The following FAM133B variants were observed in gnomAD, a reference collection of about 807,000 sequenced individuals.
FAM133B encodes family with sequence similarity 133 member B.
In FAM133B, 25 loss-of-function variants were observed where a neutral mutation model predicts 46.4. That is an observed-to-expected ratio of 0.54 (90% CI 0.39 to 0.75). The LOEUF (loss-of-function observed/expected upper bound fraction) is 0.75, where lower values mean the gene tolerates loss of function less well. Ranked by LOEUF, FAM133B falls within the 30% of genes least tolerant of loss-of-function variation. The pLI is 0.00. For synonymous variants in FAM133B, 75 were observed against 86.0 expected, an observed-to-expected ratio of 0.87 and a Z score of 0.71; for missense variants, 205 against 277.6, an observed-to-expected ratio of 0.74 and a Z score of 1.86.
intron 1 of FAM133B, among the ~76,000 whole-genome samples, chr7:92,583,776 C>T (rs1015250373): frequency 5.3e-5 from 8 of 151,738 alleles, no homozygotes; most frequent in African/African-American, 1.5e-4. Flanking sequence ...CAGCCAGGCG[C>T]GGTGGCTCAC....
At chr7:92,567,829 T>G (rs1794405243) in intron 9 of FAM133B, among the ~76,000 whole-genome samples, 1 of 151,582 alleles carries the variant, frequency 6.6e-6, no homozygotes, top group Non-Finnish European at 1.5e-5. Context: ...AGTGGTGTGA[T>G]CTCGGCTCAC....
chr7:92,577,484 C>A, intron 6 of FAM133B, 171 bp downstream of exon 6: 1 of 480,546 alleles, frequency 2.1e-6, no homozygotes, highest in East Asian at 3.4e-5. Flanking sequence ...ATATTATATA[C>A]CAATATTTAA....
rs567078304 is a variant in FAM133B, at chr7:92,581,029, T to C, written c.122+477A>G. On this transcript the variant is annotated intron_variant, in intron 2 of 10. Transcript: ENST00000445716. ...GTTGTATGTTGTCTCAGGAGTAAGGTATTAATAACGAGGAAGACATACTAA... is the reference window on the plus strand; with the variant it reads ...GTTGTATGTTGTCTCAGGAGTAAGGCATTAATAACGAGGAAGACATACTAA... Among the ~76,000 whole-genome samples the C allele has an allele frequency of 4.6e-5, 7 of 152,340 alleles. No homozygotes were observed. In the South Asian group the frequency reaches 1.4e-3, roughly 32 times the overall value.
chr7:92,573,192 G>T (rs1794589005), intron 8 of FAM133B, among the ~76,000 whole-genome samples: 1 of 148,488 alleles, frequency 6.7e-6, no homozygotes, highest in South Asian at 2.1e-4. Context: ...TTAGAGATGG[G>T]GGTCTTACTC....
At chr7:92,573,885 T>G (rs899289734) in intron 8 of FAM133B, among the ~76,000 whole-genome samples, 11 of 152,036 alleles carry the variant, frequency 7.2e-5, no homozygotes, top group African/African-American at 2.2e-4. Context: ...ATTTTATTTT[T>G]TTTTAAATTT....
chr7:92,580,131 T>C (rs1794824318), intron 2 of FAM133B, among the ~76,000 whole-genome samples: 1 of 151,852 alleles, frequency 6.6e-6, no homozygotes, highest in Admixed American at 6.6e-5. Context: ...TAGAATGTAG[T>C]GGCATGATCA....
intron 10 of FAM133B, chr7:92,565,766 A>G (rs1794329251): frequency 2.0e-6 from 1 of 501,406 alleles, no homozygotes; most frequent in Non-Finnish European, 3.6e-6. Flanking sequence ...CCCAGCCCTG[A>G]GCTTATATTT....
Position 92,562,257 on chromosome 7 carries a change from A to G in FAM133B, c.*25T>C. 6 of 1,512,206 alleles carry G rather than the reference A, an allele frequency of 4.0e-6. No individual in the cohort carries two copies. Among genetic ancestry groups the G allele is most frequent in the Non-Finnish European group, 5.3e-6 (6 of 1,140,284 alleles). The allele number at this position is 1,512,206 out of a possible 1,614,324, so 93.7% of individuals were successfully genotyped here. ...TCCTCAGACATTGCACTTTCTTTAT[A>G]AGGGAATCCTGATTTTTCTTAATGT... On this transcript the variant is annotated 3_prime_UTR_variant, in exon 11 of 11. Coordinates refer to ENST00000445716, the MANE Select transcript of FAM133B (RefSeq NM_152789.4).
Position 92,565,480 on chromosome 7 carries a change from T to C in FAM133B, c.657+534A>G, listed in dbSNP as rs575134419. On this transcript the variant is annotated intron_variant, in intron 10 of 10. Transcript: ENST00000445716. ...GAGCTTATATATATATATATGTTTTTTGAGACGGAGTCGCACTCTGTCGCC... is the reference window on the plus strand; with the variant it reads ...GAGCTTATATATATATATATGTTTTCTGAGACGGAGTCGCACTCTGTCGCC... 10 of 151,774 alleles carry C rather than the reference T, an allele frequency of 6.6e-5. No individual in the cohort carries two copies. In the East Asian group the frequency reaches 1.4e-3, roughly 21 times the overall value. The allele number at this position is 151,774 out of a possible 1,614,324, so 9.4% of individuals were successfully genotyped here. A position where few individuals can be genotyped will look rare whatever the true frequency, so the allele number is the denominator to read the frequency against.
chr7:92,570,371 A>T (rs942242149), intron 8 of FAM133B, among the ~76,000 whole-genome samples: 3 of 152,082 alleles, frequency 2.0e-5, no homozygotes, highest in East Asian at 1.9e-4. Context: ...ATATGTGTTT[A>T]AAAAAATCTT....
chr7:92,590,172 C>T (rs892853925), intron 1 of FAM133B, 96 bp downstream of exon 1: 3 of 1,595,516 alleles, frequency 1.9e-6, no homozygotes, highest in East Asian at 2.2e-5. Context: ...TGAGGGCTGC[C>T]GCTTGCCCTC....
chr7:92,563,172 A>G (rs1794211986), intron 10 of FAM133B, among the ~76,000 whole-genome samples: 1 of 152,242 alleles, frequency 6.6e-6, no homozygotes, highest in Non-Finnish European at 1.5e-5. Flanking sequence ...GAAGAGACCT[A>G]TAAGGATGGT....
intron 9 of FAM133B, among the ~76,000 whole-genome samples, chr7:92,567,832 C>A (rs775291296): frequency 2.0e-5 from 3 of 150,744 alleles, no homozygotes; most frequent in Admixed American, 2.0e-4. Flanking sequence ...GGTGTGATCT[C>A]GGCTCACTGC....
intron 8 of FAM133B, among the ~76,000 whole-genome samples, chr7:92,570,902 A>G (rs1285843913): frequency 6.6e-6 from 1 of 152,172 alleles, no homozygotes; most frequent in Non-Finnish European, 1.5e-5. Flanking sequence ...AGATTTTTGG[A>G]AACATCTTTC....
At chr7:92,565,153 T>C (rs927671050) in intron 10 of FAM133B, among the ~76,000 whole-genome samples, 8 of 148,854 alleles carry the variant, frequency 5.4e-5, no homozygotes, top group South Asian at 2.1e-4. Flanking sequence ...ATATTTCTTT[T>C]TTTTTTTTTT....
At chr7:92,577,531 G>A in intron 6 of FAM133B, 124 bp downstream of exon 6, 1 of 727,816 alleles carries the variant, frequency 1.4e-6, no homozygotes, top group South Asian at 2.9e-5. Flanking sequence ...AGTCCTCTAA[G>A]TTATGGATAA....
chr7:92,581,794 TTGTGTGTGTGTGTGTGTG>T (rs10578440), intron 1 of FAM133B, 191 bp from the exon 2 acceptor site: 54 of 316,294 alleles, frequency 1.7e-4, no homozygotes, highest in African/African-American at 3.3e-4. Context: ...TGGGAGAAAA[TTGTGTGTGTGTGTGTGTG>T]TGTGTGTGTG....
At position 92,572,830 on chromosome 7, in the gene FAM133B, A is replaced by G. The variant is rs567116479; in HGVS notation, c.517-2915T>C. Among the ~76,000 whole-genome samples, 9 of 152,320 alleles carry G rather than the reference A, an allele frequency of 5.9e-5. No homozygotes were observed. In the South Asian group the frequency reaches 1.7e-3, roughly 28 times the overall value. On this transcript the variant is annotated intron_variant, in intron 8 of 10. Transcript: ENST00000445716. ...AAATTAAAACAATCTAGATGTTCAT[A>G]AAAAGGAGAACGGAGAAATAATTGT...
At chr7:92,576,218 T>C (rs1422610045) in intron 7 of FAM133B, among the ~76,000 whole-genome samples, 1 of 152,216 alleles carries the variant, frequency 6.6e-6, no homozygotes, top group Non-Finnish European at 1.5e-5. Flanking sequence ...TAAGCCTAGT[T>C]TCCTTATCCA....
Sources: allele counts gnomAD v4.1 joint callset (sites outside exome capture counted in the v4.1 genomes callset), GRCh38; gene constraint gnomAD v4.1.1; transcripts MANE v1.5; gene names NCBI Gene and HGNC (gene_info 2026-07-23, HGNC 2026-07-21).